The following ERC2 variants were observed in gnomAD, a reference collection of about 807,000 sequenced individuals.
The protein encoded by ERC2 is ELKS/RAB6-interacting/CAST family member 2.
ERC2 carries 42 observed loss-of-function variants against 114.8 expected under a neutral mutation model. The observed-to-expected ratio is 0.37, with a 90% CI of 0.29 to 0.47. The LOEUF is 0.47. Ranked by LOEUF, ERC2 falls within the 20% of genes least tolerant of loss-of-function variation. ERC2 has a pLI of 0.99. For synonymous variants in ERC2, 454 were observed against 425.5 expected, an observed-to-expected ratio of 1.07 and a Z score of -0.82; for missense variants, 939 against 1,150.7, an observed-to-expected ratio of 0.82 and a Z score of 2.66.
intron 4 of ERC2, among the ~76,000 whole-genome samples, chr3:56,169,136 C>A (rs2082486059): frequency 1.3e-5 from 2 of 152,070 alleles, no homozygotes; most frequent in Admixed American, 1.3e-4. Context: ...CTTTAGTTAA[C>A]AAGTTCACCA....
chr3:56,058,874 A>C (rs889319523), intron 7 of ERC2, among the ~76,000 whole-genome samples: 8 of 151,796 alleles, frequency 5.3e-5, no homozygotes, highest in East Asian at 1.9e-4. Context: ...TTCTTTCTTT[A>C]TTTACACACA....
chr3:55,686,045 A>T (rs1042613735), intron 16 of ERC2, among the ~76,000 whole-genome samples: 1 of 152,234 alleles, frequency 6.6e-6, no homozygotes, highest in African/African-American at 2.4e-5. Context: ...AGCAAATTAA[A>T]TATATTAAAA....
intron 13 of ERC2, among the ~76,000 whole-genome samples, chr3:55,907,582 G>T (rs898159175): frequency 7.9e-5 from 12 of 152,314 alleles, no homozygotes; most frequent in African/African-American, 2.4e-4. Flanking sequence ...AGCTACAGAA[G>T]GGCATTCCTG....
intron 2 of ERC2, among the ~76,000 whole-genome samples, chr3:56,399,272 C>A (rs1006468436): frequency 6.6e-6 from 1 of 152,168 alleles, no homozygotes; most frequent in African/African-American, 2.4e-5. Flanking sequence ...ATAACATTAG[C>A]CTTACATTAA....
intron 6 of ERC2, among the ~76,000 whole-genome samples, chr3:56,128,036 CACTCCAGCAAG>C (rs1459776325): frequency 6.6e-6 from 1 of 152,018 alleles, no homozygotes; most frequent in African/African-American, 2.4e-5. Flanking sequence ...AGATCGCCTG[CACTCCAGCAAG>C]ACTCCATCTC....
intron 3 of ERC2, among the ~76,000 whole-genome samples, chr3:56,198,347 C>T (rs903587138): frequency 2.6e-5 from 4 of 152,176 alleles, no homozygotes; most frequent in Non-Finnish European, 5.9e-5. Context: ...GTCACAGAGG[C>T]AGTGTAAGGG....
chr3:55,715,208 C>T (rs1340604650), intron 15 of ERC2, among the ~76,000 whole-genome samples: 1 of 152,088 alleles, frequency 6.6e-6, no homozygotes, highest in Non-Finnish European at 1.5e-5. Flanking sequence ...GGAAAGGTTC[C>T]CAAGACCCTG....
intron 2 of ERC2, among the ~76,000 whole-genome samples, chr3:56,379,781 T>C (rs1417827497): frequency 5.9e-5 from 9 of 152,162 alleles, no homozygotes; most frequent in Admixed American, 5.9e-4. Context: ...TAAATTCACC[T>C]ACAAGGTAAG....
At chr3:56,011,114 G>A (rs1448182829) in intron 8 of ERC2, among the ~76,000 whole-genome samples, 1 of 152,342 alleles carries the variant, frequency 6.6e-6, no homozygotes, top group East Asian at 1.9e-4. Flanking sequence ...GACTCATTGT[G>A]AGAACTTGAG....
At chr3:55,689,209 G>A (rs534344641) in intron 16 of ERC2, among the ~76,000 whole-genome samples, 1 of 152,220 alleles carries the variant, frequency 6.6e-6, no homozygotes, top group Non-Finnish European at 1.5e-5. Context: ...AGAAGTTTGG[G>A]TGGCCTTTTC....
At chr3:55,556,373 G>T (rs1414360030) in intron 17 of ERC2, among the ~76,000 whole-genome samples, 1 of 152,144 alleles carries the variant, frequency 6.6e-6, no homozygotes. Flanking sequence ...TGCTAGGCAC[G>T]GGGTTTTGCT....
intron 2 of ERC2, among the ~76,000 whole-genome samples, chr3:56,326,547 T>C (rs1484027883): frequency 6.6e-6 from 1 of 152,238 alleles, no homozygotes; most frequent in East Asian, 1.9e-4. Flanking sequence ...CTTGAATTAC[T>C]TATTAATCCT....
At chr3:55,514,896 T>C (rs2052380603) in intron 17 of ERC2, among the ~76,000 whole-genome samples, 1 of 152,218 alleles carries the variant, frequency 6.6e-6, no homozygotes, top group Admixed American at 6.5e-5. Flanking sequence ...ACCATATTTA[T>C]GGTAATTTGC....
chr3:56,234,822 G>C (rs1197864159), intron 3 of ERC2, among the ~76,000 whole-genome samples: 4 of 151,912 alleles, frequency 2.6e-5, no homozygotes, highest in African/African-American at 9.7e-5. Context: ...TGTGAGAACA[G>C]CATTAATCTA....
intron 6 of ERC2, among the ~76,000 whole-genome samples, chr3:56,135,701 C>T (rs2080465621): frequency 1.3e-5 from 2 of 152,164 alleles, no homozygotes; most frequent in African/African-American, 2.4e-5. Flanking sequence ...GAGGTATAAC[C>T]ACACATCTCC....
At chr3:55,725,652 C>A (rs940640555) in intron 15 of ERC2, among the ~76,000 whole-genome samples, 1 of 152,184 alleles carries the variant, frequency 6.6e-6, no homozygotes. Flanking sequence ...GTGCTCCATG[C>A]ATGTTTAGGG....
At chr3:56,197,054 G>A (rs2150084650) in intron 3 of ERC2, among the ~76,000 whole-genome samples, 1 of 152,238 alleles carries the variant, frequency 6.6e-6, no homozygotes, top group South Asian at 2.1e-4. Context: ...CTCCAGCCAT[G>A]TCAGGTGTGA....
At chr3:56,030,380 ATTTC>A (rs1352837171) in intron 7 of ERC2, among the ~76,000 whole-genome samples, 1 of 152,046 alleles carries the variant, frequency 6.6e-6, no homozygotes. Context: ...CCTATATTTA[ATTTC>A]TTTATTTAGT....
chr3:56,437,847 T>C (rs926005128), intron 1 of ERC2, among the ~76,000 whole-genome samples: 10 of 152,278 alleles, frequency 6.6e-5, no homozygotes, highest in Non-Finnish European at 1.5e-5. Context: ...AGAAAGATGT[T>C]CATGACATAC....
Sources: gnomAD v4.1 joint callset for allele counts (sites outside exome capture counted in the v4.1 genomes callset) on GRCh38, gnomAD v4.1.1 for gene constraint, MANE v1.5 for transcripts, NCBI Gene and HGNC (gene_info 2026-07-23, HGNC 2026-07-21) for gene names.